The following CACNA2D3 variants were observed in gnomAD, a reference collection of about 807,000 sequenced individuals.
CACNA2D3 encodes the protein voltage-dependent calcium channel subunit alpha-2/delta-3.
CACNA2D3 carries 60 observed loss-of-function variants against 160.6 expected under a neutral mutation model. The ratio of observed to expected loss-of-function variants is 0.37; its 90% CI spans 0.30 to 0.46. CACNA2D3 has a LOEUF of 0.46. Ranked by LOEUF, CACNA2D3 falls within the 20% of genes least tolerant of loss-of-function variation. The pLI is 1.00. For synonymous variants in CACNA2D3, 558 were observed against 492.9 expected, an observed-to-expected ratio of 1.13 and a Z score of -1.75; for missense variants, 1,205 against 1,365.0, an observed-to-expected ratio of 0.88 and a Z score of 1.85.
chr3:54,126,759 C>T (rs1034150123), intron 2 of CACNA2D3, among the ~76,000 whole-genome samples: 3 of 152,132 alleles, frequency 2.0e-5, no homozygotes, highest in Non-Finnish European at 2.9e-5. Flanking sequence ...GCTGGTGCGC[C>T]GCTGTATGCC....
chr3:54,693,030 A>ACC lies in CACNA2D3; in HGVS notation c.1167+50789_1167+50790insCC, dbSNP rs1553788114. Reference sequence around the variant, plus strand: ...ATGGACCAGCAAAATGTAAAAAAAAAACCACCACCACCACCACCACCAACA... The same window carrying ACC: ...ATGGACCAGCAAAATGTAAAAAAAAACCACCACCACCACCACCACCACCAACA... On this transcript the variant is annotated intron_variant, in intron 11 of 37. Coordinates refer to ENST00000474759, the MANE Select transcript of CACNA2D3 (RefSeq NM_018398.3). 4.7e-4 allele frequency among the ~76,000 whole-genome samples: 72 copies of ACC among 151,708 alleles called. 1 individual carries two copies. Among genetic ancestry groups the ACC allele is most frequent in the East Asian group, 1.9e-3 (10 of 5,154 alleles).
intron 4 of CACNA2D3, among the ~76,000 whole-genome samples, chr3:54,454,930 T>A (rs946578366): frequency 2.6e-5 from 4 of 152,158 alleles, no homozygotes; most frequent in Admixed American, 6.6e-5. Context: ...GGAATTTCTT[T>A]CTTATTTAAG....
chr3:54,266,847 G>A (rs1702525635), intron 2 of CACNA2D3, among the ~76,000 whole-genome samples: 1 of 152,322 alleles, frequency 6.6e-6, no homozygotes, highest in South Asian at 2.1e-4. Flanking sequence ...AGCAGCTTGG[G>A]CACATATCAG....
At chr3:54,868,112 G>T (rs1479784258) in intron 17 of CACNA2D3, among the ~76,000 whole-genome samples, 1 of 152,150 alleles carries the variant, frequency 6.6e-6, no homozygotes, top group Admixed American at 6.5e-5. Context: ...GAGGTAGGTG[G>T]ATTTAGGCTT....
intron 25 of CACNA2D3, among the ~76,000 whole-genome samples, chr3:54,893,975 C>T (rs1043155374): frequency 9.2e-5 from 14 of 151,872 alleles, no homozygotes; most frequent in African/African-American, 3.4e-4. Context: ...TTTTCAGTGT[C>T]CATAACACTC....
Position 54,320,523 on chromosome 3 carries a change from G to C in CACNA2D3, c.286G>C (p.Glu96Gln). 1 of 1,567,430 alleles carries C rather than the reference G, an allele frequency of 6.4e-7. No individual in the cohort carries two copies. The highest frequency in any genetic ancestry group is 1.2e-5 in the South Asian group (1 of 84,690). The change falls in exon 3 of 38, where the codon GAA (glutamate) becomes CAA (glutamine). Residue 96 changes from glutamate to glutamine, a missense_variant. Transcript: ENST00000474759. Reference protein sequence around the residue: ...QLVKKLAKNMEEMFHKKSEAV... With the variant: ...QLVKKLAKNMQEMFHKKSEAV... ...GGTAAAGAAGCTGGCAAAGAACATG[G>C]AAGAGATGTTTCACAAGAAGTCTGA...
chr3:54,322,047 G>A (rs934193810), intron 3 of CACNA2D3, among the ~76,000 whole-genome samples: 1 of 152,048 alleles, frequency 6.6e-6, no homozygotes, highest in East Asian at 1.9e-4. Context: ...ATATCTTTAG[G>A]TTCTGCTTCT....
At chr3:54,694,181 T>C (rs1700619300) in intron 11 of CACNA2D3, among the ~76,000 whole-genome samples, 4 of 152,194 alleles carry the variant, frequency 2.6e-5, no homozygotes, top group African/African-American at 9.7e-5. Context: ...CGATATCTTT[T>C]CTATGTTTAG....
chr3:55,016,713 A>G (rs532260243), intron 34 of CACNA2D3, among the ~76,000 whole-genome samples: 2 of 152,198 alleles, frequency 1.3e-5, no homozygotes, highest in Non-Finnish European at 2.9e-5. Context: ...TGAAAATTCT[A>G]TATTCTGACT....
At chr3:55,051,061 A>G (rs1288271867) in intron 35 of CACNA2D3, among the ~76,000 whole-genome samples, 2 of 151,184 alleles carry the variant, frequency 1.3e-5, no homozygotes, top group African/African-American at 4.9e-5. Flanking sequence ...GTCCTCCCGT[A>G]GCTCAGAGTA....
At chr3:54,661,838 A>ATG (rs780111250) in intron 11 of CACNA2D3, among the ~76,000 whole-genome samples, 1,654 of 146,706 alleles carry the variant, frequency 0.011, 25 homozygotes, top group East Asian at 0.079. Context: ...CATCTCAGGG[A>ATG]TGTGTGTATG....
chr3:54,559,391 C>G (rs1263021868), intron 5 of CACNA2D3, among the ~76,000 whole-genome samples: 1 of 152,076 alleles, frequency 6.6e-6, no homozygotes, highest in African/African-American at 2.4e-5. Context: ...CTCCCAGGTT[C>G]AAGCTATTTT....
At chr3:54,454,769 CTAA>C (rs1406263054) in intron 4 of CACNA2D3, among the ~76,000 whole-genome samples, 2 of 152,130 alleles carry the variant, frequency 1.3e-5, no homozygotes, top group Non-Finnish European at 2.9e-5. Context: ...TTCCCCACCT[CTAA>C]TAACCATTAT....
At chr3:54,735,872 TAAAAA>T (rs942938479) in intron 11 of CACNA2D3, among the ~76,000 whole-genome samples, 1 of 147,154 alleles carries the variant, frequency 6.8e-6, no homozygotes, top group East Asian at 2.0e-4. Flanking sequence ...GGAAAAAAAA[TAAAAA>T]AATAGATACT....
At chr3:54,437,511 T>G (rs1396921487) in intron 4 of CACNA2D3, among the ~76,000 whole-genome samples, 1 of 152,240 alleles carries the variant, frequency 6.6e-6, no homozygotes, top group Non-Finnish European at 1.5e-5. Flanking sequence ...TAGGTGGGAA[T>G]AGCTTTTCTG....
At chr3:54,806,557 T>C (rs1703131827) in intron 13 of CACNA2D3, among the ~76,000 whole-genome samples, 2 of 151,600 alleles carry the variant, frequency 1.3e-5, no homozygotes, top group African/African-American at 2.4e-5. Context: ...TAAAAGAGGA[T>C]ACAAACAAAT....
At chr3:54,255,907 G>C (rs1008651334) in intron 2 of CACNA2D3, among the ~76,000 whole-genome samples, 4 of 152,114 alleles carry the variant, frequency 2.6e-5, no homozygotes, top group Admixed American at 6.5e-5. Context: ...GGATACATGA[G>C]GTTAAGCGAG....
intron 3 of CACNA2D3, among the ~76,000 whole-genome samples, chr3:54,358,230 T>C (rs1044797369): frequency 2.6e-5 from 4 of 152,208 alleles, no homozygotes; most frequent in African/African-American, 7.2e-5. Flanking sequence ...AATATAAAAT[T>C]AATTAAAGAA....
intron 31 of CACNA2D3, among the ~76,000 whole-genome samples, chr3:54,997,358 T>A (rs148854371): frequency 1.3e-5 from 2 of 152,122 alleles, no homozygotes; most frequent in African/African-American, 4.8e-5. Flanking sequence ...CACCCCAGAC[T>A]AATGAAATAT....
Sources: gnomAD v4.1 joint callset for allele counts (sites outside exome capture counted in the v4.1 genomes callset) on GRCh38, gnomAD v4.1.1 for gene constraint, MANE v1.5 for transcripts, NCBI Gene and HGNC (gene_info 2026-07-23, HGNC 2026-07-21) for gene names.